NHS: variants seen among roughly 807,000 people sequenced by gnomAD.
The protein encoded by NHS is NHS actin remodeling regulator.
NHS carries 5 observed loss-of-function variants against 72.5 expected under a neutral mutation model. That is an observed-to-expected ratio of 0.07 (90% confidence interval 0.04 to 0.14). The LOEUF (loss-of-function observed/expected upper bound fraction) is 0.14, where lower values mean the gene tolerates loss of function less well. NHS is among the 10% of genes least tolerant of loss of function. The probability of loss-of-function intolerance (pLI) is 1.00; values close to 1 mark genes in which losing one functional copy is unlikely to be tolerated. For missense variants in NHS, 1,072 were observed against 1,355.7 expected, an observed-to-expected ratio of 0.79 and a Z score of 3.29; for synonymous variants, 464 against 547.7, an observed-to-expected ratio of 0.85 and a Z score of 2.13.
At chrX:17,385,408 G>A (rs1196833112) in intron 1 of NHS, among the ~76,000 whole-genome samples, 1 of 111,714 alleles carries the variant, frequency 9.0e-6, no homozygotes, top group Non-Finnish European at 1.9e-5. Flanking sequence ...CATCTACTCA[G>A]GAGTCTGAGA....
intron 1 of NHS, among the ~76,000 whole-genome samples, chrX:17,546,013 C>A (rs2065291165): frequency 8.9e-6 from 1 of 112,123 alleles, no homozygotes; most frequent in Admixed American, 9.4e-5. Context: ...TAAGACTGGG[C>A]TGACAAAGGG....
chrX:17,680,796 C>T, intron 1 of NHS, among the ~76,000 whole-genome samples: 1 of 110,601 alleles, frequency 9.0e-6, no homozygotes, highest in South Asian at 3.9e-4. Context: ...TTAGTAGAAT[C>T]CAATGACTCT....
chrX:17,472,323 GAGAGACAGAGAGAGAC>G (rs1036486491), intron 1 of NHS, among the ~76,000 whole-genome samples: 8 of 110,621 alleles, frequency 7.2e-5, no homozygotes, highest in African/African-American at 9.9e-5. Context: ...GAGAGAGAGA[GAGAGACAGAGAGAGAC>G]AGAGACAGAG....
At chrX:17,509,506 C>T (rs1298234765) in intron 1 of NHS, among the ~76,000 whole-genome samples, 7 of 112,409 alleles carry the variant, frequency 6.2e-5, no homozygotes, top group African/African-American at 9.7e-5. Flanking sequence ...GGATTACAGG[C>T]GTGAGCCACC....
chrX:17,381,955 T>C (rs965841836), intron 1 of NHS, among the ~76,000 whole-genome samples: 13 of 112,494 alleles, frequency 1.2e-4, no homozygotes, highest in Non-Finnish European at 2.1e-4. Context: ...GTAGCCACTT[T>C]GGTGGATGTG....
At chrX:17,566,610 T>G (rs2065445014) in intron 1 of NHS, among the ~76,000 whole-genome samples, 1 of 111,618 alleles carries the variant, frequency 9.0e-6, no homozygotes, top group Non-Finnish European at 1.9e-5. Context: ...GAGAGAGACC[T>G]TGGAATTCAT....
chrX:17,472,021 C>T (rs1569261568), intron 1 of NHS, among the ~76,000 whole-genome samples: 1 of 111,492 alleles, frequency 9.0e-6, no homozygotes, highest in African/African-American at 3.3e-5. Flanking sequence ...ATCTGATGAA[C>T]CCTGCTGTAT....
At chrX:17,619,503 AAC>A (rs1021789731) in intron 1 of NHS, among the ~76,000 whole-genome samples, 1 of 112,513 alleles carries the variant, frequency 8.9e-6, no homozygotes, top group Non-Finnish European at 1.9e-5. Context: ...GGGCATGTAG[AAC>A]ACACTTCTCT....
At chrX:17,606,977 C>T (rs1045024779) in intron 1 of NHS, among the ~76,000 whole-genome samples, 1 of 112,283 alleles carries the variant, frequency 8.9e-6, no homozygotes, top group African/African-American at 3.2e-5. Context: ...TCGTTTTAAA[C>T]GTGAGGCACA....
At chrX:17,440,692 C>A (rs1197501291) in intron 1 of NHS, among the ~76,000 whole-genome samples, 2 of 111,506 alleles carry the variant, frequency 1.8e-5, no homozygotes, top group African/African-American at 6.5e-5. Context: ...GAAGGAAATT[C>A]CTTGTTTTCC....
intron 1 of NHS, among the ~76,000 whole-genome samples, chrX:17,499,836 A>T (rs1026860059): frequency 8.9e-6 from 1 of 111,878 alleles, no homozygotes; most frequent in Non-Finnish European, 1.9e-5. Context: ...GTATCTGGAG[A>T]ATAGCTACAC....
chrX:17,383,824 G>A (rs954680311), intron 1 of NHS, among the ~76,000 whole-genome samples: 4 of 112,299 alleles, frequency 3.6e-5, no homozygotes, highest in African/African-American at 1.3e-4. Flanking sequence ...TGGATGCACA[G>A]TTTGAATCCC....
In NHS at chrX:17,502,507, T is replaced by TTTCTA. The variant is rs1601736116; in HGVS notation, c.565+126185_565+126186insTTCTA. Reference sequence around the variant, plus strand: ...CAATCTGCATTTAAGAAGTCAGGGTTGGCCGGGCGCGGTGGCTCACGCCTG... The same window carrying TTTCTA: ...CAATCTGCATTTAAGAAGTCAGGGTTTTCTAGGCCGGGCGCGGTGGCTCACGCCTG... On this transcript the variant is annotated intron_variant, in intron 1 of 8. Coordinates refer to ENST00000676302, the MANE Select transcript of NHS (RefSeq NM_001291867.2). 1.7e-3 allele frequency among the ~76,000 whole-genome samples: 89 copies of TTTCTA among 52,515 alleles called. 6 individuals carry two copies. The highest frequency in any genetic ancestry group is 0.022 in the Middle Eastern group (2 of 89). The allele number at this position is 52,515 out of a possible 115,157, so 45.6% of individuals were successfully genotyped here. A position where few individuals can be genotyped will look rare whatever the true frequency, so the allele number is the denominator to read the frequency against.
intron 1 of NHS, among the ~76,000 whole-genome samples, chrX:17,607,040 G>A (rs1363082055): frequency 8.9e-6 from 1 of 112,006 alleles, no homozygotes; most frequent in Non-Finnish European, 1.9e-5. Flanking sequence ...GCTTGTAAGT[G>A]ACAGAGACAG....
chrX:17,688,758 C>G (rs774890491), intron 2 of NHS, among the ~76,000 whole-genome samples: 1 of 112,230 alleles, frequency 8.9e-6, no homozygotes, highest in African/African-American at 3.2e-5. Flanking sequence ...ATGTCTCTCA[C>G]AGTCCTGAGA....
chrX:17,691,991 A>G (rs2066198588), intron 2 of NHS, among the ~76,000 whole-genome samples: 1 of 111,811 alleles, frequency 8.9e-6, no homozygotes, highest in Admixed American at 9.5e-5. Flanking sequence ...TTTCCACTCC[A>G]GTACTGATGG....
At chrX:17,686,485 G>A (rs1209531296) in intron 1 of NHS, among the ~76,000 whole-genome samples, 1 of 111,826 alleles carries the variant, frequency 8.9e-6, no homozygotes, top group Non-Finnish European at 1.9e-5. Context: ...CTGAAAAGAC[G>A]AGCCTAAGGG....
At chrX:17,568,469 A>G (rs1177859934) in intron 1 of NHS, among the ~76,000 whole-genome samples, 1 of 111,211 alleles carries the variant, frequency 9.0e-6, no homozygotes, top group Non-Finnish European at 1.9e-5. Flanking sequence ...ATAATAGCCA[A>G]TAAGTTTTTT....
intron 1 of NHS, among the ~76,000 whole-genome samples, chrX:17,444,944 T>G (rs1357692398): frequency 5.4e-5 from 6 of 111,118 alleles, no homozygotes; most frequent in African/African-American, 2.0e-4. Flanking sequence ...CATCATTTAC[T>G]TATGATGGCT....
Sources: gnomAD v4.1 joint callset for allele counts (sites outside exome capture counted in the v4.1 genomes callset) on GRCh38, gnomAD v4.1.1 for gene constraint, MANE v1.5 for transcripts, NCBI Gene and HGNC (gene_info 2026-07-23, HGNC 2026-07-21) for gene names.